The following MBD5 variants were observed in gnomAD, a reference collection of about 807,000 sequenced individuals.
MBD5 encodes methyl-CpG binding domain protein 5, also known as methyl-CpG-binding domain protein 5.
In MBD5, 13 loss-of-function variants were observed where a neutral mutation model predicts 117.3. That is an observed-to-expected ratio of 0.11 (90% CI 0.07 to 0.18). MBD5 has a LOEUF of 0.18. Among genes scored for constraint, MBD5 ranks in the 10% least tolerant of loss-of-function variants. The pLI is 1.00. For missense variants in MBD5, 1,879 were observed against 2,093.8 expected (o/e 0.90, Z 2.00); for synonymous variants, 727 against 766.4 (o/e 0.95, Z 0.85).
At chr2:148,050,416 A>G (rs992817100) in intron 1 of MBD5, among the ~76,000 whole-genome samples, 34 of 151,998 alleles carry the variant, frequency 2.2e-4, no homozygotes, top group African/African-American at 7.5e-4. Flanking sequence ...TTGCCTTTTC[A>G]TTATCTTTTT....
chr2:148,311,145 G>A (rs1702019634), intron 3 of MBD5, among the ~76,000 whole-genome samples: 1 of 152,188 alleles, frequency 6.6e-6, no homozygotes. Flanking sequence ...AGAGAGTTCT[G>A]TACATGTCTA....
chr2:148,074,495 G>GTTTTTTTTTTTGT (rs1695445186), intron 1 of MBD5, among the ~76,000 whole-genome samples: 2 of 109,826 alleles, frequency 1.8e-5, no homozygotes, highest in African/African-American at 7.2e-5. Context: ...TTTTTTTTTT[G>GTTTTTTTTTTTGT]TTTTTTTTTT....
At chr2:148,309,133 A>T (rs954009506) in intron 3 of MBD5, among the ~76,000 whole-genome samples, 12 of 152,080 alleles carry the variant, frequency 7.9e-5, no homozygotes, top group African/African-American at 2.9e-4. Flanking sequence ...ACTTGGCTAT[A>T]TGGGCTCTTT....
chr2:148,028,482 G>C (rs909068107), intron 1 of MBD5: 1 of 152,002 alleles, frequency 6.6e-6, no homozygotes, highest in Admixed American at 6.6e-5. Context: ...TATACTTAGG[G>C]TTATCCTTGT....
chr2:148,385,274 A>G (rs1378274111), intron 4 of MBD5, among the ~76,000 whole-genome samples: 1 of 152,224 alleles, frequency 6.6e-6, no homozygotes. Flanking sequence ...CAAGAAAAAA[A>G]CAACCCCATC....
chr2:148,112,550 G>A (rs1253895893), intron 1 of MBD5, among the ~76,000 whole-genome samples: 2 of 152,108 alleles, frequency 1.3e-5, no homozygotes, highest in East Asian at 3.9e-4. Context: ...ATTATCACAT[G>A]AGCCTCTTTG....
intron 11 of MBD5, chr2:148,490,810 A>G (rs1681501010): frequency 2.8e-5 from 17 of 601,730 alleles, no homozygotes; most frequent in Middle Eastern, 4.6e-4. Flanking sequence ...GCATTTATAG[A>G]TCACACTAGG....
At chr2:148,226,955 G>T (rs997154476) in intron 2 of MBD5, among the ~76,000 whole-genome samples, 2 of 152,012 alleles carry the variant, frequency 1.3e-5, no homozygotes, top group Non-Finnish European at 2.9e-5. Flanking sequence ...CTTTTTGATG[G>T]GGTTGTTTGT....
intron 4 of MBD5, among the ~76,000 whole-genome samples, chr2:148,435,697 G>A (rs1706133998): frequency 6.6e-6 from 1 of 152,042 alleles, no homozygotes; most frequent in African/African-American, 2.4e-5. Flanking sequence ...TTTCAACCTT[G>A]AAAAATCTGA....
intron 4 of MBD5, among the ~76,000 whole-genome samples, chr2:148,403,743 C>T (rs996817792): frequency 6.6e-6 from 1 of 151,970 alleles, no homozygotes; most frequent in Non-Finnish European, 1.5e-5. Flanking sequence ...TCTACCTGCA[C>T]TCATATCTGT....
At chr2:148,228,467 G>C (rs919517758) in intron 2 of MBD5, among the ~76,000 whole-genome samples, 2 of 152,178 alleles carry the variant, frequency 1.3e-5, no homozygotes, top group African/African-American at 2.4e-5. Flanking sequence ...AAGCCCACTT[G>C]ATCATGGTGG....
At chr2:148,494,034 G>A (rs2105162027) in intron 11 of MBD5, among the ~76,000 whole-genome samples, 2 of 152,282 alleles carry the variant, frequency 1.3e-5, no homozygotes, top group East Asian at 3.9e-4. Context: ...TAAGAATTCA[G>A]TGAAATACTG....
At chr2:148,131,834 A>G (rs1697056242) in intron 1 of MBD5, among the ~76,000 whole-genome samples, 1 of 152,184 alleles carries the variant, frequency 6.6e-6, no homozygotes, top group Non-Finnish European at 1.5e-5. Context: ...AAAAGTTTTT[A>G]ATTCCTTGAT....
intron 3 of MBD5, among the ~76,000 whole-genome samples, chr2:148,303,550 T>A (rs948221073): frequency 1.1e-4 from 16 of 152,136 alleles, no homozygotes; most frequent in Non-Finnish European, 1.0e-4. Context: ...CTTAGTTATT[T>A]TAACTGACAA....
chr2:148,319,635 A>G (rs1056823262), intron 3 of MBD5, among the ~76,000 whole-genome samples: 1 of 152,204 alleles, frequency 6.6e-6, no homozygotes, highest in Non-Finnish European at 1.5e-5. Flanking sequence ...TTCATTGATC[A>G]AATCTAAGAG....
At chr2:148,253,362 C>T (rs142966905) in intron 3 of MBD5, among the ~76,000 whole-genome samples, 1 of 152,098 alleles carries the variant, frequency 6.6e-6, no homozygotes, top group Non-Finnish European at 1.5e-5. Flanking sequence ...ATAGCTCTTA[C>T]AATCCAGGGA....
At chr2:148,162,031 C>T (rs1698017689) in intron 1 of MBD5, among the ~76,000 whole-genome samples, 1 of 152,164 alleles carries the variant, frequency 6.6e-6, no homozygotes, top group African/African-American at 2.4e-5. Context: ...TTGTGCACAC[C>T]TGCCTTCCAA....
Position 148,458,328 on chromosome 2 carries a change from A to G in MBD5, c.-431A>G, listed in dbSNP as rs1706947903. ...GGCCTATAAAGGCGGGTACCTGGAA[A>G]TATTAACCGACTCACACTGTAAAAA... is the stretch of plus-strand genomic sequence containing the variant. On this transcript the variant is annotated 5_prime_UTR_variant, in exon 5 of 14. Transcript: ENST00000642680. 2.4e-6 allele frequency: 1 copy of G among 413,586 alleles called. No homozygotes were observed. 25.6% of individuals were successfully genotyped at this position (413,586 alleles called of 1,614,324 possible).
At chr2:148,210,553 T>C (rs114292076) in intron 2 of MBD5, among the ~76,000 whole-genome samples, 2,347 of 152,124 alleles carry the variant, frequency 0.015, 52 homozygotes, top group African/African-American at 0.053. Context: ...TTTTTAAAAA[T>C]TGTGATTTAC....
Sources: gnomAD v4.1 joint callset for allele counts (sites outside exome capture counted in the v4.1 genomes callset) on GRCh38, gnomAD v4.1.1 for gene constraint, MANE v1.5 for transcripts, NCBI Gene and HGNC (gene_info 2026-07-23, HGNC 2026-07-21) for gene names.